Variants in HPSE2 observed in about 807,000 individuals in gnomAD.
HPSE2 encodes the protein inactive heparanase-2.
A neutral mutation model predicts 60.5 loss-of-function variants in HPSE2; 38 were observed. The ratio of observed to expected loss-of-function variants is 0.63; its 90% CI spans 0.48 to 0.82. HPSE2 has a LOEUF of 0.82. Among genes scored for constraint, HPSE2 ranks in the 40% least tolerant of loss-of-function variants. The probability of loss-of-function intolerance (pLI) is 0.00; values close to 1 mark genes in which losing one functional copy is unlikely to be tolerated. For synonymous variants in HPSE2, 295 were observed against 293.2 expected (o/e 1.01, Z -0.06); for missense variants, 713 against 740.4 (o/e 0.96, Z 0.43).
chr10:98,513,910 C>T (rs1273621228), intron 9 of HPSE2, among the ~76,000 whole-genome samples: 1 of 152,046 alleles, frequency 6.6e-6, no homozygotes, highest in Admixed American at 6.6e-5. Context: ...TAGGCATATA[C>T]CCAAAAGACG....
intron 2 of HPSE2, among the ~76,000 whole-genome samples, chr10:99,164,135 T>C (rs1456592064): frequency 6.7e-6 from 1 of 149,998 alleles, no homozygotes; most frequent in Admixed American, 6.7e-5. Context: ...GTGTTCCAAT[T>C]CTTATTTTCT....
chr10:98,605,807 C>A (rs2133954218), intron 9 of HPSE2, among the ~76,000 whole-genome samples: 1 of 152,298 alleles, frequency 6.6e-6, no homozygotes, highest in African/African-American at 2.4e-5. Context: ...GTGGACCATA[C>A]CTCAGGTTGG....
intron 6 of HPSE2, among the ~76,000 whole-genome samples, chr10:98,652,562 A>G (rs1440083834): frequency 3.9e-5 from 6 of 152,074 alleles, no homozygotes; most frequent in African/African-American, 1.4e-4. Flanking sequence ...CCAATCTCCC[A>G]CTATCTAGCA....
chr10:98,934,400 G>A (rs1241458512), intron 3 of HPSE2, among the ~76,000 whole-genome samples: 2 of 144,610 alleles, frequency 1.4e-5, no homozygotes, highest in African/African-American at 5.6e-5. Context: ...GTGTGTTTTT[G>A]TAGTGGCTAG....
intron 9 of HPSE2, among the ~76,000 whole-genome samples, chr10:98,540,364 T>C (rs1409850890): frequency 6.6e-6 from 1 of 152,222 alleles, no homozygotes; most frequent in Non-Finnish European, 1.5e-5. Context: ...GAGCAAGGTC[T>C]GTGATCTGTA....
At chr10:99,160,029 G>A (rs764777958) in intron 2 of HPSE2, among the ~76,000 whole-genome samples, 7 of 151,198 alleles carry the variant, frequency 4.6e-5, no homozygotes, top group Non-Finnish European at 8.8e-5. Flanking sequence ...TAATCCCAGC[G>A]ACTCGGGAGG....
chr10:99,015,394 A>C (rs895451061), intron 3 of HPSE2, among the ~76,000 whole-genome samples: 11 of 152,214 alleles, frequency 7.2e-5, no homozygotes, highest in Admixed American at 2.6e-4. Flanking sequence ...CACTATTCAC[A>C]ACAGAAAAGA....
At chr10:98,771,567 C>CA (rs1950241529) in intron 3 of HPSE2, among the ~76,000 whole-genome samples, 1 of 152,160 alleles carries the variant, frequency 6.6e-6, no homozygotes, top group Admixed American at 6.6e-5. Flanking sequence ...ACTAAGAAAA[C>CA]AAATGAGACT....
intron 9 of HPSE2, among the ~76,000 whole-genome samples, chr10:98,498,103 G>A (rs1395113671): frequency 6.6e-6 from 1 of 152,172 alleles, no homozygotes; most frequent in Non-Finnish European, 1.5e-5. Context: ...ACGGGAGGCA[G>A]GACTAGATTG....
intron 3 of HPSE2, among the ~76,000 whole-genome samples, chr10:99,000,751 A>T (rs1047648546): frequency 3.9e-5 from 6 of 152,102 alleles, no homozygotes; most frequent in African/African-American, 1.4e-4. Flanking sequence ...GTAGAAGACA[A>T]AAAAGGGGGT....
At chr10:98,694,805 C>T (rs1156333307) in intron 5 of HPSE2, among the ~76,000 whole-genome samples, 1 of 152,164 alleles carries the variant, frequency 6.6e-6, no homozygotes, top group Non-Finnish European at 1.5e-5. Context: ...GTTATAACTA[C>T]TAGTTGAGGG....
intron 6 of HPSE2, among the ~76,000 whole-genome samples, chr10:98,662,468 T>C (rs1188288031): frequency 1.3e-5 from 2 of 152,090 alleles, no homozygotes; most frequent in Non-Finnish European, 2.9e-5. Flanking sequence ...GAAAACCAAA[T>C]ACTGCATGTT....
chr10:99,087,686 A>G (rs1204329586), intron 3 of HPSE2, among the ~76,000 whole-genome samples: 2 of 152,152 alleles, frequency 1.3e-5, no homozygotes, highest in African/African-American at 4.8e-5. Flanking sequence ...CCCTGGGTCC[A>G]CTATTGTCCT....
At chr10:99,167,442 T>C (rs916219417) in intron 2 of HPSE2, among the ~76,000 whole-genome samples, 1 of 152,244 alleles carries the variant, frequency 6.6e-6, no homozygotes, top group Non-Finnish European at 1.5e-5. Context: ...ATTTTTTGCA[T>C]AAAGTATGAG....
intron 3 of HPSE2, among the ~76,000 whole-genome samples, chr10:98,837,665 C>G (rs1951821094): frequency 6.6e-6 from 1 of 151,062 alleles, no homozygotes; most frequent in Non-Finnish European, 1.5e-5. Flanking sequence ...ACGAGGTCAG[C>G]AGATCGAGAC....
the HPSE2 span, among the ~76,000 whole-genome samples, chr10:99,279,200 G>C: frequency 6.6e-6 from 1 of 152,232 alleles, no homozygotes; most frequent in Middle Eastern, 3.4e-3. Flanking sequence ...AAAGAAAATT[G>C]ATTCTTTTCA....
chr10:98,706,302 T>C (rs7095924), intron 5 of HPSE2, among the ~76,000 whole-genome samples: 35,272 of 152,134 alleles, frequency 0.23, 4,726 homozygotes, highest in African/African-American at 0.36. Flanking sequence ...GCTACCATAT[T>C]GATTAGAAAA....
intron 3 of HPSE2, among the ~76,000 whole-genome samples, chr10:99,080,189 C>T (rs1485860129): frequency 6.6e-6 from 1 of 152,092 alleles, no homozygotes; most frequent in African/African-American, 2.4e-5. Context: ...ATCCTTCATC[C>T]TTGCTCAATA....
chr10:99,290,444 G>C, the HPSE2 span, among the ~76,000 whole-genome samples: 2 of 152,184 alleles, frequency 1.3e-5, no homozygotes, highest in South Asian at 4.1e-4. Context: ...GGAGGGCAAA[G>C]GGTGCCACTG....
Sources: allele counts gnomAD v4.1 joint callset (sites outside exome capture counted in the v4.1 genomes callset), GRCh38; gene constraint gnomAD v4.1.1; transcripts MANE v1.5; gene names NCBI Gene and HGNC (gene_info 2026-07-23, HGNC 2026-07-21).